The following TSHZ3 variants were observed in gnomAD, a reference collection of about 807,000 sequenced individuals.
TSHZ3 encodes the protein teashirt zinc finger homeobox 3, also known as teashirt homolog 3.
In TSHZ3, 10 loss-of-function variants were observed where a neutral mutation model predicts 64.5. That is an observed-to-expected ratio of 0.16 (90% CI 0.10 to 0.26). TSHZ3 has a LOEUF of 0.26. Among genes scored for constraint, TSHZ3 ranks in the 10% least tolerant of loss-of-function variants. The pLI is 1.00. For synonymous variants in TSHZ3, 608 were observed against 593.1 expected, an observed-to-expected ratio of 1.03 and a Z score of -0.36; for missense variants, 1,242 against 1,421.7, an observed-to-expected ratio of 0.87 and a Z score of 2.03.
At chr19:31,179,254 C>A (rs1974661542) in intron 5 of TSHZ3, among the ~76,000 whole-genome samples, 1 of 152,150 alleles carries the variant, frequency 6.6e-6, no homozygotes, top group Non-Finnish European at 1.5e-5. Flanking sequence ...GGAGCAGTAA[C>A]CAGAACCCAG....
At chr19:31,181,000 G>T (rs982599701) in intron 5 of TSHZ3, among the ~76,000 whole-genome samples, 1 of 152,186 alleles carries the variant, frequency 6.6e-6, no homozygotes, top group African/African-American at 2.4e-5. Flanking sequence ...GTAACAGCCT[G>T]CTTGGTGGAG....
At chr19:31,347,572 A>C (rs564110375) in intron 1 of TSHZ3, among the ~76,000 whole-genome samples, 1 of 152,170 alleles carries the variant, frequency 6.6e-6, no homozygotes, top group Admixed American at 6.5e-5. Context: ...TCATTGCTTG[A>C]GCCTGGAATT....
At chr19:31,238,091 A>G (rs1406342949) in intron 3 of TSHZ3, among the ~76,000 whole-genome samples, 1 of 152,152 alleles carries the variant, frequency 6.6e-6, no homozygotes, top group Non-Finnish European at 1.5e-5. Flanking sequence ...TAGTTCTATA[A>G]TGTCAATTAT....
intron 6 of TSHZ3, among the ~76,000 whole-genome samples, chr19:31,152,480 G>C (rs538403708): frequency 6.6e-6 from 1 of 152,196 alleles, no homozygotes; most frequent in African/African-American, 2.4e-5. Context: ...AATAAATACT[G>C]TAAGTGGAAG....
intron 1 of TSHZ3, among the ~76,000 whole-genome samples, chr19:31,280,358 T>C (rs1976340422): frequency 6.6e-6 from 1 of 151,954 alleles, no homozygotes; most frequent in African/African-American, 2.4e-5. Flanking sequence ...TCTTTCTTCC[T>C]TCTGGAAAAG....
chr19:31,309,525 C>G (rs953086022), intron 1 of TSHZ3, among the ~76,000 whole-genome samples: 1 of 152,186 alleles, frequency 6.6e-6, no homozygotes, highest in Non-Finnish European at 1.5e-5. Context: ...AGAACACATT[C>G]TCGGCATTGG....
chr19:31,154,875 C>G (rs904510774), intron 6 of TSHZ3, among the ~76,000 whole-genome samples: 4 of 152,324 alleles, frequency 2.6e-5, no homozygotes, highest in Middle Eastern at 6.8e-3. Flanking sequence ...CCTCCTGTCT[C>G]TATCATAAGG....
At chr19:31,271,273 T>C (rs1482295117), downstream of TSHZ3, among the ~76,000 whole-genome samples, 2 of 152,132 alleles carry the variant, frequency 1.3e-5, no homozygotes, top group East Asian at 3.9e-4. Flanking sequence ...TTTAAAATCC[T>C]CCTGGGGGTC....
In TSHZ3 at chr19:31,256,328, G is replaced by A. The variant is rs745706793; in HGVS notation, n.64-13453C>T. Among the ~76,000 whole-genome samples the A allele has an allele frequency of 5.9e-5, 9 of 152,160 alleles. No individual in the cohort carries two copies. The South Asian group carries it at 1.7e-3, about 28-fold the overall frequency. On this transcript the variant is annotated intron_variant and non_coding_transcript_variant, in intron 1 of 6. Transcript: ENST00000651361. ...CACACCCTCTGTGCACATGCCTGCC[G>A]CCCAGCCCCATCAGCTCTCTCTCTG...
At chr19:31,199,901 C>T (rs937109037) in intron 5 of TSHZ3, among the ~76,000 whole-genome samples, 3 of 148,570 alleles carry the variant, frequency 2.0e-5, no homozygotes, top group African/African-American at 7.5e-5. Flanking sequence ...GAAAAAAATG[C>T]GCCAAAGACC....
In TSHZ3 at chr19:31,345,562, G is replaced by C. The variant is rs12973254; in HGVS notation, c.40+3618C>G. Among the ~76,000 whole-genome samples, 8 of 152,318 alleles carry C rather than the reference G, an allele frequency of 5.3e-5. No homozygotes were observed. The East Asian group carries it at 1.5e-3, about 29-fold the overall frequency. On this transcript the variant is annotated intron_variant, in intron 1 of 1. Coordinates refer to ENST00000240587, the MANE Select transcript of TSHZ3 (RefSeq NM_020856.4). ...TCCAAGTCACTTTCACAAAAGTCAA[G>C]ATGCTTGAAGATTTACCCTTGCCTT...
intron 1 of TSHZ3, among the ~76,000 whole-genome samples, chr19:31,290,495 T>C (rs1976544287): frequency 1.3e-5 from 2 of 152,012 alleles, no homozygotes; most frequent in Admixed American, 1.3e-4. Flanking sequence ...TGTCTAGTTA[T>C]TAAATAAGCA....
intron 1 of TSHZ3, among the ~76,000 whole-genome samples, chr19:31,336,893 T>C (rs1917261566): frequency 6.6e-6 from 1 of 152,236 alleles, no homozygotes; most frequent in Non-Finnish European, 1.5e-5. Flanking sequence ...TTGAACCTTT[T>C]TCAATTAATT....
chr19:31,327,486 C>A (rs1390753), intron 1 of TSHZ3, among the ~76,000 whole-genome samples: 138,518 of 152,336 alleles, frequency 0.91, 63,175 homozygotes, highest in East Asian at 1. Context: ...GGAAAATGCA[C>A]TTTGTTAGCA....
intron 1 of TSHZ3, among the ~76,000 whole-genome samples, chr19:31,299,930 G>A (rs1036275376): frequency 6.6e-6 from 1 of 152,028 alleles, no homozygotes; most frequent in Non-Finnish European, 1.5e-5. Flanking sequence ...TCCTTTACAC[G>A]CACCCTCACC....
intron 1 of TSHZ3, among the ~76,000 whole-genome samples, chr19:31,245,617 C>G (rs920522734): frequency 6.6e-6 from 1 of 151,878 alleles, no homozygotes; most frequent in Non-Finnish European, 1.5e-5. Flanking sequence ...GAGCTCTGGA[C>G]ATGTGAAAAT....
intron 5 of TSHZ3, among the ~76,000 whole-genome samples, chr19:31,166,249 G>T (rs1178969679): frequency 6.6e-6 from 1 of 152,204 alleles, no homozygotes; most frequent in African/African-American, 2.4e-5. Flanking sequence ...CAGAAAGTGA[G>T]TGTGATCATG....
At chr19:31,297,024 C>A (rs141293920) in intron 1 of TSHZ3, among the ~76,000 whole-genome samples, 3 of 152,162 alleles carry the variant, frequency 2.0e-5, no homozygotes, top group Non-Finnish European at 4.4e-5. Flanking sequence ...TCAGTGGGAG[C>A]GGGAGGTGGG....
intron 1 of TSHZ3, among the ~76,000 whole-genome samples, chr19:31,343,751 T>C (rs1917500616): frequency 1.3e-5 from 2 of 151,568 alleles, no homozygotes; most frequent in Non-Finnish European, 2.9e-5. Flanking sequence ...ACCAAGTCTA[T>C]GTCTCCAGTC....
Sources: allele counts gnomAD v4.1 joint callset (sites outside exome capture counted in the v4.1 genomes callset), GRCh38; gene constraint gnomAD v4.1.1; transcripts MANE v1.5; gene names NCBI Gene and HGNC (gene_info 2026-07-23, HGNC 2026-07-21).